The following TTC29 variants were observed in gnomAD, a reference collection of about 807,000 sequenced individuals.
The protein encoded by TTC29 is tetratricopeptide repeat protein 29.
A neutral mutation model predicts 58.1 loss-of-function variants in TTC29; 49 were observed. That is an observed-to-expected ratio of 0.84 (90% CI 0.67 to 1.07). The LOEUF (loss-of-function observed/expected upper bound fraction) is 1.07, where lower values mean the gene tolerates loss of function less well. Among genes scored for constraint, TTC29 ranks in the 50% least tolerant of loss-of-function variants. TTC29 has a pLI of 0.00. For synonymous variants in TTC29, 209 were observed against 196.8 expected (o/e 1.06, Z -0.52); for missense variants, 582 against 555.6 (o/e 1.05, Z -0.48).
At position 146,905,017 on chromosome 4, in the gene TTC29, G is replaced by T. The variant is rs535770760; in HGVS notation, c.401-1288C>A. Among the ~76,000 whole-genome samples, 3 of 152,140 alleles carry T rather than the reference G, an allele frequency of 2.0e-5. No homozygotes were observed. The East Asian group carries it at 5.8e-4, about 29-fold the overall frequency. ...TAATAACTGGAAAACAAAATAAAAA[G>T]GTCTCCCTATCCTGGAAGTTGCTGG... is the stretch of plus-strand genomic sequence containing the variant. On this transcript the variant is annotated intron_variant, in intron 5 of 12. Coordinates refer to ENST00000325106, the MANE Select transcript of TTC29 (RefSeq NM_031956.4).
intron 11 of TTC29, among the ~76,000 whole-genome samples, chr4:146,791,936 C>G (rs1749488604): frequency 6.6e-6 from 1 of 152,178 alleles, no homozygotes; most frequent in Non-Finnish European, 1.5e-5. Context: ...CCCAAACTCT[C>G]TAATTCTGTG....
chr4:146,719,977 AT>A (rs1016756296), intron 11 of TTC29, among the ~76,000 whole-genome samples: 3 of 152,174 alleles, frequency 2.0e-5, no homozygotes, highest in Non-Finnish European at 4.4e-5. Flanking sequence ...CCCAGGGCTA[AT>A]GTTTTCATGC....
chr4:146,812,789 G>T (rs1465935366), intron 10 of TTC29: 1 of 152,154 alleles, frequency 6.6e-6, no homozygotes, highest in Non-Finnish European at 1.5e-5. Flanking sequence ...AATGTATATT[G>T]TACTTGTGGA....
intron 10 of TTC29, among the ~76,000 whole-genome samples, chr4:146,810,895 G>T (rs1750980609): frequency 6.6e-6 from 1 of 151,972 alleles, no homozygotes; most frequent in African/African-American, 2.4e-5. Flanking sequence ...CACAGCAAAA[G>T]GTCATTTCAG....
intron 6 of TTC29, among the ~76,000 whole-genome samples, chr4:146,882,747 G>T (rs746575446): frequency 6.6e-6 from 1 of 152,096 alleles, no homozygotes; most frequent in African/African-American, 2.4e-5. Flanking sequence ...ATTGAAGATG[G>T]TGACGAGGAG....
chr4:146,810,068 G>T (rs28431952), intron 10 of TTC29, among the ~76,000 whole-genome samples: 6,992 of 152,224 alleles, frequency 0.046, 231 homozygotes, highest in East Asian at 0.14. Context: ...ATACACCATG[G>T]AATACTATGC....
intron 9 of TTC29, among the ~76,000 whole-genome samples, chr4:146,821,241 C>T (rs1182409879): frequency 6.6e-6 from 1 of 152,096 alleles, no homozygotes; most frequent in East Asian, 1.9e-4. Context: ...ATAATGGGTA[C>T]AAGGTTTCCT....
chr4:146,827,501 T>A (rs1727888971), intron 9 of TTC29, among the ~76,000 whole-genome samples: 1 of 152,220 alleles, frequency 6.6e-6, no homozygotes, highest in Admixed American at 6.5e-5. Flanking sequence ...TAAACAGTGA[T>A]ATGTTTTTAA....
At chr4:146,831,784 G>C in intron 9 of TTC29, 1 of 438,232 alleles carries the variant, frequency 2.3e-6, no homozygotes, top group Non-Finnish European at 4.6e-6. Context: ...TTTGAAGACA[G>C]ACTCATGTCT....
rs540484244 is a variant in TTC29, at chr4:146,840,675, G to A, written c.886-6778C>T. On this transcript the variant is annotated intron_variant, in intron 8 of 12. Transcript: ENST00000325106. ...AGCCTACGTTGTATTTGGGCAACGG[G>A]AAGACAATTTGTAATGAAATAAATA... Among the ~76,000 whole-genome samples the A allele has an allele frequency of 6.6e-5, 10 of 152,178 alleles. No individual in the cohort carries two copies. In the South Asian group the frequency reaches 2.1e-3, roughly 32 times the overall value.
intron 4 of TTC29, among the ~76,000 whole-genome samples, chr4:146,916,789 A>T (rs1283340116): frequency 6.6e-6 from 1 of 151,466 alleles, no homozygotes; most frequent in African/African-American, 2.4e-5. Flanking sequence ...AGATAAATGT[A>T]AAGTTATGCA....
At chr4:146,802,504 T>TA (rs1750302494) in intron 11 of TTC29, among the ~76,000 whole-genome samples, 1 of 152,226 alleles carries the variant, frequency 6.6e-6, no homozygotes, top group Non-Finnish European at 1.5e-5. Context: ...GGACGGTGGG[T>TA]AGTTAAGTAG....
intron 11 of TTC29, among the ~76,000 whole-genome samples, chr4:146,714,286 T>C (rs753797014): frequency 5.9e-5 from 9 of 152,180 alleles, no homozygotes; most frequent in South Asian, 2.1e-4. Context: ...GTATTTTAGA[T>C]ATTTAAAATG....
At chr4:146,710,454 T>C (rs1009970195) in intron 11 of TTC29, among the ~76,000 whole-genome samples, 15 of 152,218 alleles carry the variant, frequency 9.9e-5, no homozygotes, top group Non-Finnish European at 1.6e-4. Flanking sequence ...GCATATATTG[T>C]TGACAGAAAT....
intron 2 of TTC29, among the ~76,000 whole-genome samples, chr4:146,942,016 C>T (rs149321865): frequency 1.3e-5 from 2 of 152,190 alleles, no homozygotes; most frequent in African/African-American, 2.4e-5. Context: ...AGCACTAAGA[C>T]GAGAGAAAAT....
intron 6 of TTC29, among the ~76,000 whole-genome samples, chr4:146,894,613 T>C (rs868610082): frequency 6.6e-6 from 1 of 152,076 alleles, no homozygotes; most frequent in Middle Eastern, 3.4e-3. Context: ...TACACCAACA[T>C]GGCACATGTA....
chr4:146,806,018 A>C (rs2150122374), intron 10 of TTC29, among the ~76,000 whole-genome samples: 1 of 152,342 alleles, frequency 6.6e-6, no homozygotes, highest in East Asian at 1.9e-4. Context: ...GAAGCCCATC[A>C]GACTAACAGC....
At chr4:146,856,973 T>C (rs1729898769) in intron 8 of TTC29, among the ~76,000 whole-genome samples, 1 of 151,914 alleles carries the variant, frequency 6.6e-6, no homozygotes, top group African/African-American at 2.4e-5. Flanking sequence ...TTAAAACATA[T>C]TTTTATAAAC....
intron 8 of TTC29, among the ~76,000 whole-genome samples, chr4:146,855,921 A>G (rs1729816420): frequency 6.6e-6 from 1 of 152,134 alleles, no homozygotes; most frequent in Non-Finnish European, 1.5e-5. Context: ...TCTAGGTGTA[A>G]TGCCTCTTCT....
Sources: gnomAD v4.1 joint callset for allele counts (sites outside exome capture counted in the v4.1 genomes callset) on GRCh38, gnomAD v4.1.1 for gene constraint, MANE v1.5 for transcripts, NCBI Gene and HGNC (gene_info 2026-07-23, HGNC 2026-07-21) for gene names.